The following HHIPL1 variants were observed in gnomAD, a reference collection of about 807,000 sequenced individuals.
HHIPL1 encodes the protein HHIP like 1.
A neutral mutation model predicts 61.8 loss-of-function variants in HHIPL1; 43 were observed. The ratio of observed to expected loss-of-function variants is 0.70; its 90% confidence interval spans 0.55 to 0.90. The LOEUF (loss-of-function observed/expected upper bound fraction) is 0.90, where lower values mean the gene tolerates loss of function less well. Ranked by LOEUF, HHIPL1 falls within the 40% of genes least tolerant of loss-of-function variation. The pLI is 0.00. For missense variants in HHIPL1, 1,056 were observed against 1,157.7 expected, an observed-to-expected ratio of 0.91 and a Z score of 1.28; for synonymous variants, 482 against 515.8, an observed-to-expected ratio of 0.93 and a Z score of 0.89.
chr14:99,662,532 C>T (rs924966915), intron 5 of HHIPL1, among the ~76,000 whole-genome samples: 4 of 152,152 alleles, frequency 2.6e-5, no homozygotes, highest in Non-Finnish European at 5.9e-5. Flanking sequence ...GTGAAGATTG[C>T]ACACAGTGAC....
intron 5 of HHIPL1, among the ~76,000 whole-genome samples, chr14:99,661,994 T>C (rs1389783027): frequency 2.0e-5 from 3 of 152,064 alleles, no homozygotes; most frequent in Non-Finnish European, 4.4e-5. Flanking sequence ...ATCTGGAAAA[T>C]GGGTACAGAT....
upstream of HHIPL1, among the ~76,000 whole-genome samples, chr14:99,643,762 G>A (rs1337694474): frequency 6.6e-6 from 1 of 152,196 alleles, no homozygotes; most frequent in Non-Finnish European, 1.5e-5. Flanking sequence ...GGAGTTGGAG[G>A]GGAAGTGGCA....
the HHIPL1 span, among the ~76,000 whole-genome samples, chr14:99,621,709 C>CTTTTTTTTTTTTTTTTTTTTTTTT: frequency 3.5e-5 from 3 of 84,534 alleles, no homozygotes; most frequent in African/African-American, 4.6e-5. Flanking sequence ...CTTTTCTTTT[C>CTTTTTTTTTTTTTTTTTTTTTTTT]TTTTTTTTTT....
intron 2 of HHIPL1, among the ~76,000 whole-genome samples, chr14:99,656,088 G>A (rs1008676737): frequency 6.6e-6 from 1 of 152,188 alleles, no homozygotes; most frequent in Non-Finnish European, 1.5e-5. Context: ...TGAGTGTGGC[G>A]CTGAGTGCAC....
intron 5 of HHIPL1, among the ~76,000 whole-genome samples, chr14:99,662,130 G>A (rs1317256034): frequency 2.6e-5 from 4 of 152,142 alleles, no homozygotes; most frequent in African/African-American, 7.2e-5. Context: ...TGCTGGGTCA[G>A]GCAAGAACCA....
chr14:99,607,033 T>TTC, the HHIPL1 span, among the ~76,000 whole-genome samples: 95 of 127,824 alleles, frequency 7.4e-4, 1 homozygote, highest in African/African-American at 2.7e-3. Flanking sequence ...TTTTTTTTTT[T>TTC]TTTTTTTTTT....
chr14:99,658,840 C>CTA (rs2140072350), intron 3 of HHIPL1, among the ~76,000 whole-genome samples: 1 of 151,902 alleles, frequency 6.6e-6, no homozygotes, highest in African/African-American at 2.4e-5. Context: ...TAATGGTCAC[C>CTA]TACTATGTGC....
chr14:99,637,566 C>T, the HHIPL1 span, among the ~76,000 whole-genome samples: 7 of 146,532 alleles, frequency 4.8e-5, no homozygotes, highest in Admixed American at 1.4e-4. Context: ...AGCAAGACTC[C>T]GTCTCAAAAA....
At chr14:99,607,282 C>T in the HHIPL1 span, among the ~76,000 whole-genome samples, 1 of 152,004 alleles carries the variant, frequency 6.6e-6, no homozygotes, top group Non-Finnish European at 1.5e-5. Flanking sequence ...TCAAGCAATC[C>T]AATTCTCCTG....
chr14:99,635,562 C>G, the HHIPL1 span, among the ~76,000 whole-genome samples: 9 of 152,154 alleles, frequency 5.9e-5, no homozygotes, highest in Non-Finnish European at 1.0e-4. Flanking sequence ...GGGGTCTCCT[C>G]CTCTGAAGGC....
chr14:99,659,462 G>T lies in HHIPL1; in HGVS notation c.1081G>T (p.Val361Leu). 2 of 1,522,886 alleles carry T rather than the reference G, an allele frequency of 1.3e-6. No homozygotes were observed. The highest frequency in any genetic ancestry group is 1.8e-6 in the Non-Finnish European group (2 of 1,140,400). 94.3% of individuals were successfully genotyped at this position (1,522,886 alleles called of 1,614,324 possible). ...ALLGKVLRIDVDRKERGLPYG... is the reference protein window; with the variant it reads ...ALLGKVLRIDLDRKERGLPYG... ...GCTGGGCAAGGTGCTGCGCATCGAC[G>T]TGGACCGTAAGGAGCGCGGCCTGCC... is the stretch of plus-strand genomic sequence containing the variant. The change falls in exon 4 of 9, where the codon GTG (valine) becomes TTG (leucine). Residue 361 changes from valine to leucine, a missense_variant. Val to Leu is a conservative substitution (Grantham distance 32). Coordinates refer to ENST00000330710, the MANE Select transcript of HHIPL1 (RefSeq NM_001127258.3).
chr14:99,611,266 T>C, the HHIPL1 span, among the ~76,000 whole-genome samples: 1 of 151,656 alleles, frequency 6.6e-6, no homozygotes, highest in African/African-American at 2.4e-5. Flanking sequence ...CCTGAGTAGC[T>C]TGGACTACAG....
intron 1 of HHIPL1, among the ~76,000 whole-genome samples, chr14:99,646,059 C>T (rs891741369): frequency 3.9e-5 from 6 of 152,382 alleles, no homozygotes; most frequent in Middle Eastern, 3.4e-3. Flanking sequence ...CCCTGGCCTG[C>T]AGAAGCTCTC....
chr14:99,612,586 T>G, the HHIPL1 span, among the ~76,000 whole-genome samples: 1 of 152,188 alleles, frequency 6.6e-6, no homozygotes, highest in African/African-American at 2.4e-5. Flanking sequence ...AGTGACAGAT[T>G]CCAGGCCCCA....
intron 1 of HHIPL1, among the ~76,000 whole-genome samples, chr14:99,650,186 G>A (rs762736193): frequency 9.2e-5 from 14 of 152,216 alleles, no homozygotes; most frequent in Non-Finnish European, 1.9e-4. Flanking sequence ...CCTGGCCTGG[G>A]GCTTGAGAAC....
At position 99,675,823 on chromosome 14, in the gene HHIPL1, GC is replaced by G; in HGVS notation, c.*198del. 2.0e-6 allele frequency: 1 copy of G among 490,570 alleles called. No individual in the cohort carries two copies. The highest frequency in any genetic ancestry group is 3.5e-6 in the Non-Finnish European group (1 of 289,464). The allele number at this position is 490,570 out of a possible 1,614,324, so 30.4% of individuals were successfully genotyped here. A position where few individuals can be genotyped will look rare whatever the true frequency, so the allele number is the denominator to read the frequency against. On this transcript the variant is annotated 3_prime_UTR_variant, in exon 9 of 9. Coordinates refer to ENST00000330710, the MANE Select transcript of HHIPL1 (RefSeq NM_001127258.3). The surrounding 1 kb of genome is among the most constrained non-coding windows in gnomAD (Gnocchi z 5.4). ...CCCAAGGCAGGAGTGTGTGTTGGGG[GC>G]GGTGTGGGCTCTGGAAGTGCATGGT...
chr14:99,645,240 G>C lies in HHIPL1; in HGVS notation c.33G>C (p.Ala11=). The change falls in exon 1 of 9, where the codon GCG becomes GCC. Residue 11 remains alanine, a synonymous_variant. Coordinates refer to ENST00000330710, the MANE Select transcript of HHIPL1 (RefSeq NM_001127258.3). MARARAGALL[A]LWVLGAAAHP... ...GGGCCAGGGCCGGGGCGCTGCTGGC[G>C]CTTTGGGTGCTCGGGGCCGCCGCGC... 7.4e-7 allele frequency: 1 copy of C among 1,354,336 alleles called. No individual in the cohort carries two copies. The highest frequency in any genetic ancestry group is 9.5e-7 in the Non-Finnish European group (1 of 1,056,950). 83.9% of individuals were successfully genotyped at this position (1,354,336 alleles called of 1,614,324 possible). A position where few individuals can be genotyped will look rare whatever the true frequency, so the allele number is the denominator to read the frequency against.
At chr14:99,636,440 C>T in the HHIPL1 span, among the ~76,000 whole-genome samples, 8 of 152,208 alleles carry the variant, frequency 5.3e-5, no homozygotes, top group Non-Finnish European at 1.2e-4. Flanking sequence ...ATGCCCATTT[C>T]TGTCTTCTGT....
At chr14:99,654,158 C>T (rs2055986406) in intron 2 of HHIPL1, among the ~76,000 whole-genome samples, 1 of 130,776 alleles carries the variant, frequency 7.6e-6, no homozygotes, top group South Asian at 2.4e-4. Flanking sequence ...CACTGCACTG[C>T]AGCCTGGATG....
Sources: allele counts gnomAD v4.1 joint callset (sites outside exome capture counted in the v4.1 genomes callset), GRCh38; gene constraint gnomAD v4.1.1; non-coding constraint Gnocchi (gnomAD v3.1); transcripts MANE v1.5; gene names NCBI Gene and HGNC (gene_info 2026-07-23, HGNC 2026-07-21).